Variants in MICALL1 observed in about 807,000 individuals in gnomAD.
MICALL1 encodes the protein MICAL-like protein 1.
Under a neutral mutation model 83.7 loss-of-function variants are expected in MICALL1, and 61 were observed. That is an observed-to-expected ratio of 0.73 (90% CI 0.59 to 0.90). MICALL1 has a LOEUF of 0.90. Ranked by LOEUF, MICALL1 falls within the 40% of genes least tolerant of loss-of-function variation. The pLI is 0.00. For missense variants in MICALL1, 1,066 were observed against 1,152.0 expected, an observed-to-expected ratio of 0.93 and a Z score of 1.08; for synonymous variants, 481 against 473.6, an observed-to-expected ratio of 1.02 and a Z score of -0.20.
Position 37,919,072 on chromosome 22 carries a change from G to A in MICALL1, c.463G>A (p.Gly155Ser). 1 of 1,552,342 alleles carries A rather than the reference G, an allele frequency of 6.4e-7. No individual in the cohort carries two copies. The highest frequency in any genetic ancestry group is 8.7e-7 in the Non-Finnish European group (1 of 1,147,710). Residue 155 changes from glycine to serine, a missense_variant, in exon 5 of 16, where the codon GGC becomes AGC. Transcript: ENST00000215957. ...ELSSGSLSEQ[G>S]TGQTPSSTCA... ...CTCCTCAGGCAGCCTGTCAGAGCAG[G>A]GCACCGGCCAGACCCCCAGCAGCAC...
In MICALL1 at chr22:37,906,552, C is replaced by T; in HGVS notation, c.130C>T (p.His44Tyr). 1.7e-6 allele frequency: 2 copies of T among 1,189,980 alleles called. No homozygotes were observed. Among genetic ancestry groups the T allele is most frequent in the South Asian group, 3.8e-5 (1 of 26,092 alleles). 73.7% of individuals were successfully genotyped at this position (1,189,980 alleles called of 1,614,324 possible). The change falls in exon 1 of 16, where the codon CAC becomes TAC. Residue 44 changes from histidine to tyrosine, a missense_variant. Coordinates refer to ENST00000215957, the MANE Select transcript of MICALL1 (RefSeq NM_033386.4). This position sits in a 1 kb window ranked among gnomAD's most constrained non-coding sequence, Gnocchi z 4.4. Reference protein sequence around the residue: ...GLAFCAILHRHRPDLLDFDSL... With the variant: ...GLAFCAILHRYRPDLLDFDSL... ...GGCCTTCTGCGCCATCCTGCACCGGCACCGGCCCGACCTGCTGTGAGTGCG... is the reference window on the plus strand; with the variant it reads ...GGCCTTCTGCGCCATCCTGCACCGGTACCGGCCCGACCTGCTGTGAGTGCG...
rs753904356 is a variant in MICALL1 at position 37,940,813 on chromosome 22, C to T, written c.2575C>T (p.Pro859Ser). ...CAAACGTGATGCCAAGAGCAAGTCCCCCAGAGACAAGAGCTAACAGCACGA... is the reference window on the plus strand; with the variant it reads ...CAAACGTGATGCCAAGAGCAAGTCCTCCAGAGACAAGAGCTAACAGCACGA... ...GNKRDAKSKS[P>S]RDKS The change falls in exon 16 of 16, where the codon CCC becomes TCC. Residue 859 changes from proline to serine, a missense_variant. Physicochemically the swap from Pro to Ser is moderately conservative, Grantham distance 74. Coordinates refer to ENST00000215957, the MANE Select transcript of MICALL1 (RefSeq NM_033386.4). 1.7e-5 allele frequency: 27 copies of T among 1,613,912 alleles called. No homozygotes were observed. Among genetic ancestry groups the T allele is most frequent in the Non-Finnish European group, 2.3e-5 (27 of 1,179,942 alleles).
intron 1 of MICALL1, among the ~76,000 whole-genome samples, chr22:37,910,044 G>A (rs1421172223): frequency 1.3e-5 from 2 of 152,326 alleles, no homozygotes; most frequent in South Asian, 2.1e-4. Flanking sequence ...CTTTGAGGGC[G>A]TGGACCATGT....
chr22:37,940,256 T>C (rs980119290), intron 15 of MICALL1, among the ~76,000 whole-genome samples: 1 of 151,466 alleles, frequency 6.6e-6, no homozygotes, highest in Non-Finnish European at 1.5e-5. Context: ...ACCCCATCTC[T>C]ACTAAAAATA....
chr22:37,922,082 C>T lies in MICALL1; in HGVS notation c.680C>T (p.Ser227Leu), dbSNP rs777911238. Residue 227 changes from serine to leucine, a missense_variant, in exon 6 of 16, where the codon TCG becomes TTG. Coordinates refer to ENST00000215957, the MANE Select transcript of MICALL1 (RefSeq NM_033386.4). ...GCCAGGCTGGGCCCGGGGACACGGT[C>T]GGGGACCAGGCCTGGGCCCTTCTCA... ...HCARLGPGTR[S>L]GTRPGPFSQP... The T allele has an allele frequency of 6.9e-5, 111 of 1,613,238 alleles. No homozygotes were observed. Among genetic ancestry groups the T allele is most frequent in the South Asian group, 3.2e-4 (29 of 91,054 alleles).
At position 37,932,977 on chromosome 22, in the gene MICALL1, G is replaced by A. The variant is rs1342865907; in HGVS notation, c.2235-62G>A. ...ACCCTCTTCCCTCATCAGTAACAGC[G>A]CAGGGCAGGGCAGCCGGGGCTCGGG... On this transcript the variant is annotated intron_variant, in intron 12 of 15. Coordinates refer to ENST00000215957, the MANE Select transcript of MICALL1 (RefSeq NM_033386.4). This position sits in a 1 kb window ranked among gnomAD's most constrained non-coding sequence, Gnocchi z 4.4. 49 of 1,611,248 alleles carry A rather than the reference G, an allele frequency of 3.0e-5. No homozygotes were observed. The South Asian group carries it at 4.0e-4, about 13-fold the overall frequency.
At chr22:37,925,531 TGG>T (rs1250183953) in intron 7 of MICALL1, 128 bp from the exon 8 acceptor site, 1 of 638,950 alleles carries the variant, frequency 1.6e-6, no homozygotes, top group East Asian at 2.7e-5. Flanking sequence ...CCCATGGGGA[TGG>T]GGGTGGGAGA....
At chr22:37,919,460 CACGTGTACT>C (rs1928885256) in intron 5 of MICALL1, among the ~76,000 whole-genome samples, 1 of 151,976 alleles carries the variant, frequency 6.6e-6, no homozygotes, top group Non-Finnish European at 1.5e-5. Context: ...CTTTAAAAGC[CACGTGTACT>C]TTAAAAGCCA....
At chr22:37,921,917 C>A in intron 5 of MICALL1, 55 bp from the exon 6 acceptor site, 1 of 1,491,954 alleles carries the variant, frequency 6.7e-7, no homozygotes. Context: ...GAGGGGTAGC[C>A]AGTGCCTGGG....
chr22:37,931,831 G>A lies in MICALL1; in HGVS notation c.1914G>A (p.Lys638=), dbSNP rs754967450. 2 of 1,613,936 alleles carry A rather than the reference G, an allele frequency of 1.2e-6. No individual in the cohort carries two copies. Among genetic ancestry groups the A allele is most frequent in the Non-Finnish European group, 1.7e-6 (2 of 1,180,030 alleles). Residue 638 remains lysine, a synonymous_variant, in exon 10 of 16, where the codon AAG becomes AAA. Coordinates refer to ENST00000215957, the MANE Select transcript of MICALL1 (RefSeq NM_033386.4). ...GCAAGGAGAATCCTTTTAACCGGAA[G>A]CCATCACCTGCAGCGTCCCCAGCCA... The part of the protein sequence containing the change: ...SSCKENPFNR[K]PSPAASPATK...
rs775080882 is a variant in MICALL1, at chr22:37,926,032, C to T, written c.1454C>T (p.Ala485Val). 13 of 1,600,728 alleles carry T rather than the reference C, an allele frequency of 8.1e-6. No homozygotes were observed. The highest frequency in any genetic ancestry group is 5.5e-5 in the South Asian group (5 of 90,214). ...KKRPAPRAPS[A>V]SPLALHASRL... ...CGCCCTGCCCCGCGCGCACCCAGCG[C>T]GTCCCCACTGGGTGAGTGCCTTTCC... The change falls in exon 8 of 16, where the codon GCG (alanine) becomes GTG (valine). Residue 485 changes from alanine to valine, a missense_variant. Ala to Val is a moderately conservative substitution (Grantham distance 64). Transcript: ENST00000215957.
chr22:37,912,984 C>G (rs373912223), intron 3 of MICALL1, among the ~76,000 whole-genome samples: 4 of 132,906 alleles, frequency 3.0e-5, no homozygotes, highest in African/African-American at 5.7e-5. Context: ...TTTTTTGAGA[C>G]GGAGTTTCAC....
intron 1 of MICALL1, among the ~76,000 whole-genome samples, chr22:37,908,820 T>C (rs1330947821): frequency 1.3e-5 from 2 of 152,076 alleles, no homozygotes; most frequent in East Asian, 3.9e-4. Flanking sequence ...GAGAATATAG[T>C]CTTCAAGGAG....
chr22:37,921,028 C>T (rs1178663645), intron 5 of MICALL1, among the ~76,000 whole-genome samples: 2 of 152,022 alleles, frequency 1.3e-5, no homozygotes, highest in East Asian at 3.9e-4. Flanking sequence ...TTTGAGGCTG[C>T]AGTGAGTTAT....
intron 13 of MICALL1, among the ~76,000 whole-genome samples, chr22:37,934,703 T>C (rs1444592448): frequency 6.6e-6 from 1 of 150,532 alleles, no homozygotes; most frequent in African/African-American, 2.4e-5. Context: ...TTCACGCCAT[T>C]TTCCTGCCTG....
intron 13 of MICALL1, among the ~76,000 whole-genome samples, chr22:37,933,701 A>G (rs1488927558): frequency 6.6e-6 from 1 of 152,212 alleles, no homozygotes; most frequent in African/African-American, 2.4e-5. Context: ...CCGCAGCTGC[A>G]GGCAGAGACC....
intron 1 of MICALL1, among the ~76,000 whole-genome samples, chr22:37,910,944 T>TG (rs1379639282): frequency 6.6e-6 from 1 of 152,226 alleles, no homozygotes; most frequent in African/African-American, 2.4e-5. Flanking sequence ...GGCCTGCTCT[T>TG]GCCTCTGCCC....
Position 37,910,445 on chromosome 22 carries a change from G to A in MICALL1, c.147-1507G>A, listed in dbSNP as rs541338073. On this transcript the variant is annotated intron_variant, in intron 1 of 15. Coordinates refer to ENST00000215957, the MANE Select transcript of MICALL1 (RefSeq NM_033386.4). ...GGCTGGGTACCATGGTGTTTTCCTC[G>A]CCCTGTTGCAGTGTCCTGAACCGGA... Among the ~76,000 whole-genome samples, 248 of 152,114 alleles carry A rather than the reference G, an allele frequency of 1.6e-3. 2 individuals carry two copies. Among genetic ancestry groups the A allele is most frequent in the Non-Finnish European group, 1.9e-3 (127 of 67,988 alleles).
intron 15 of MICALL1, 126 bp downstream of exon 15, chr22:37,937,918 A>G: frequency 8.4e-7 from 1 of 1,196,630 alleles, no homozygotes; most frequent in Non-Finnish European, 1.2e-6. Flanking sequence ...CAAACTCCGC[A>G]GCCTCTGTTG....
Sources: allele counts gnomAD v4.1 joint callset (sites outside exome capture counted in the v4.1 genomes callset), GRCh38; gene constraint gnomAD v4.1.1; non-coding constraint Gnocchi (gnomAD v3.1); transcripts MANE v1.5; gene names NCBI Gene and HGNC (gene_info 2026-07-23, HGNC 2026-07-21).